The following ARB2A variants were observed in gnomAD, a reference collection of about 807,000 sequenced individuals.
ARB2A encodes cotranscriptional regulator ARB2A.
At chr5:93,683,430 G>A in the ARB2A span, 1 of 1,601,104 alleles carries the variant, frequency 6.2e-7, no homozygotes, top group African/African-American at 1.3e-5. Flanking sequence ...AAGACCACTG[G>A]TGGTGTTATT....
the ARB2A span, among the ~76,000 whole-genome samples, chr5:93,916,136 C>T: frequency 3.9e-5 from 6 of 151,990 alleles, no homozygotes; most frequent in African/African-American, 1.4e-4. Context: ...TAATTTAATT[C>T]GCTCTTGCAA....
At chr5:93,667,380 C>T in the ARB2A span, among the ~76,000 whole-genome samples, 1 of 152,322 alleles carries the variant, frequency 6.6e-6, no homozygotes, top group East Asian at 1.9e-4. Context: ...TACATATCTA[C>T]AAACTCTTAT....
chr5:93,796,391 G>A, the ARB2A span, among the ~76,000 whole-genome samples: 1 of 152,094 alleles, frequency 6.6e-6, no homozygotes, highest in African/African-American at 2.4e-5. Flanking sequence ...ATGGTGGGGG[G>A]TGGTTCTTGA....
chr5:93,840,246 A>C, the ARB2A span, among the ~76,000 whole-genome samples: 1 of 152,160 alleles, frequency 6.6e-6, no homozygotes. Flanking sequence ...TTCTGACAGC[A>C]CTCAGTCTTG....
chr5:94,046,642 G>A, the ARB2A span, among the ~76,000 whole-genome samples: 26 of 152,294 alleles, frequency 1.7e-4, no homozygotes, highest in South Asian at 6.2e-4. Flanking sequence ...CCTGCTTTCT[G>A]CTCCAAGAGT....
the ARB2A span, among the ~76,000 whole-genome samples, chr5:94,061,038 A>C: frequency 2.6e-5 from 4 of 152,302 alleles, no homozygotes; most frequent in African/African-American, 9.6e-5. Context: ...GGATATCAAG[A>C]TCATCCTGGC....
At chr5:94,070,460 A>G in the ARB2A span, among the ~76,000 whole-genome samples, 3 of 152,160 alleles carry the variant, frequency 2.0e-5, no homozygotes, top group African/African-American at 7.2e-5. Flanking sequence ...AAAGTATTAT[A>G]TATTTCAAGA....
At chr5:94,039,876 C>T in the ARB2A span, among the ~76,000 whole-genome samples, 3 of 152,106 alleles carry the variant, frequency 2.0e-5, no homozygotes, top group East Asian at 3.9e-4. Flanking sequence ...CCATCACCCC[C>T]CAACCCCGAT....
the ARB2A span, among the ~76,000 whole-genome samples, chr5:93,775,795 T>A: frequency 1.3e-5 from 2 of 152,236 alleles, no homozygotes; most frequent in African/African-American, 4.8e-5. Context: ...CTTGACTGCC[T>A]GTCATATCAT....
At chr5:93,697,418 TTAAA>T in the ARB2A span, among the ~76,000 whole-genome samples, 4 of 152,150 alleles carry the variant, frequency 2.6e-5, no homozygotes, top group East Asian at 3.9e-4. Flanking sequence ...TATGACATAA[TTAAA>T]TAGTTAAATA....
chr5:93,792,533 G>C, the ARB2A span, among the ~76,000 whole-genome samples: 1 of 152,030 alleles, frequency 6.6e-6, no homozygotes, highest in African/African-American at 2.4e-5. Context: ...CCTTTGTAGG[G>C]ACATGGATGA....
At chr5:93,838,955 T>C in the ARB2A span, among the ~76,000 whole-genome samples, 1 of 152,278 alleles carries the variant, frequency 6.6e-6, no homozygotes, top group Admixed American at 6.5e-5. Context: ...GCAGAAACTA[T>C]GGGGTGGTAT....
chr5:93,781,708 T>C, the ARB2A span, among the ~76,000 whole-genome samples: 1 of 151,490 alleles, frequency 6.6e-6, no homozygotes, highest in African/African-American at 2.4e-5. Flanking sequence ...TTTTTTTAAA[T>C]AGTAGCCATT....
chr5:93,940,353 C>A, the ARB2A span, among the ~76,000 whole-genome samples: 20 of 151,984 alleles, frequency 1.3e-4, no homozygotes. Flanking sequence ...AGTATACATT[C>A]TGGATAAAAA....
At chr5:93,734,075 T>C in the ARB2A span, 2 of 152,188 alleles carry the variant, frequency 1.3e-5, no homozygotes, top group Admixed American at 6.5e-5. Context: ...AAAAAGATCA[T>C]GCTTTGAAAT....
At chr5:93,796,641 C>A in the ARB2A span, among the ~76,000 whole-genome samples, 6 of 152,286 alleles carry the variant, frequency 3.9e-5, no homozygotes, top group Middle Eastern at 3.4e-3. Flanking sequence ...CTGTTCCCTG[C>A]AAGTGAATAC....
the ARB2A span, chr5:93,734,465 C>T: frequency 2.6e-5 from 4 of 152,122 alleles, no homozygotes; most frequent in African/African-American, 9.7e-5. Context: ...GTGATGAAGG[C>T]TATGAACCAT....
chr5:93,619,060 T>C, the ARB2A span: 1 of 152,192 alleles, frequency 6.6e-6, no homozygotes, highest in Non-Finnish European at 1.5e-5. Flanking sequence ...ATATATTCAA[T>C]TCACATCAAT....
the ARB2A span, among the ~76,000 whole-genome samples, chr5:93,663,368 C>G: frequency 2.0e-5 from 3 of 152,300 alleles, no homozygotes; most frequent in African/African-American, 4.8e-5. Context: ...CATTCCCCTT[C>G]CCCTGAAGGA....
Sources: gnomAD v4.1 joint callset for allele counts (sites outside exome capture counted in the v4.1 genomes callset) on GRCh38, gnomAD v4.1.1 for gene constraint, MANE v1.5 for transcripts, NCBI Gene and HGNC (gene_info 2026-07-23, HGNC 2026-07-21) for gene names.